Variants in PTPRQ observed in about 807,000 individuals in gnomAD.
The protein encoded by PTPRQ is phosphatidylinositol phosphatase PTPRQ.
Under a neutral mutation model 246.0 loss-of-function variants are expected in PTPRQ, and 199 were observed. The ratio of observed to expected loss-of-function variants is 0.81; its 90% CI spans 0.72 to 0.91. The LOEUF is 0.91. Among genes scored for constraint, PTPRQ ranks in the 40% least tolerant of loss-of-function variants. PTPRQ has a pLI of 0.00. For missense variants in PTPRQ, 2,624 were observed against 2,528.4 expected (o/e 1.04, Z -0.81); for synonymous variants, 869 against 853.2 (o/e 1.02, Z -0.32).
chr12:80,468,820 G>C lies in PTPRQ; in HGVS notation c.1021G>C (p.Glu341Gln), dbSNP rs1200377056. Residue 341 changes from glutamate to glutamine, a missense_variant, in exon 7 of 45, where the codon GAA becomes CAA. Transcript: ENST00000644991. ...AACAGGGAAATTTAGTTATAGAGTT[G>C]AATTATATGGACCATCAGGTAAGCC... ...IVTGKFSYRV[E>Q]LYGPSGRILD... 9 of 1,548,720 alleles carry C rather than the reference G, an allele frequency of 5.8e-6. No individual in the cohort carries two copies. The highest frequency in any genetic ancestry group is 7.0e-6 in the Non-Finnish European group (8 of 1,145,824).
At chr12:80,521,863 T>C (rs1169850904) in intron 17 of PTPRQ, among the ~76,000 whole-genome samples, 1 of 152,204 alleles carries the variant, frequency 6.6e-6, no homozygotes, top group Non-Finnish European at 1.5e-5. Flanking sequence ...TTTGGTTCCA[T>C]ATGAACTTTA....
intron 26 of PTPRQ, among the ~76,000 whole-genome samples, chr12:80,601,867 G>A (rs1898155074): frequency 6.6e-6 from 1 of 151,700 alleles, no homozygotes; most frequent in Admixed American, 6.6e-5. Context: ...GCTACAATTT[G>A]AGGCAGTTTT....
At chr12:80,471,633 A>G (rs527536898) in intron 7 of PTPRQ, among the ~76,000 whole-genome samples, 1,531 of 129,560 alleles carry the variant, frequency 0.012, 8 homozygotes, top group Non-Finnish European at 0.02. Context: ...GCGCGCCACT[A>G]CGCCCGGCTA....
At chr12:80,662,890 T>C (rs925640258) in intron 39 of PTPRQ, among the ~76,000 whole-genome samples, 1 of 151,998 alleles carries the variant, frequency 6.6e-6, no homozygotes, top group African/African-American at 2.4e-5. Context: ...ACTCAAAAGT[T>C]TGCACACACA....
At chr12:80,584,498 T>C (rs1324169320) in intron 25 of PTPRQ, among the ~76,000 whole-genome samples, 1 of 152,208 alleles carries the variant, frequency 6.6e-6, no homozygotes, top group Non-Finnish European at 1.5e-5. Flanking sequence ...AATGTACCTC[T>C]GGACATACTG....
intron 8 of PTPRQ, among the ~76,000 whole-genome samples, chr12:80,479,863 A>C (rs958930252): frequency 6.6e-6 from 1 of 152,096 alleles, no homozygotes; most frequent in Non-Finnish European, 1.5e-5. Context: ...GAGCACCCAG[A>C]TTCATAAAGC....
chr12:80,519,718 G>A (rs982388263), intron 17 of PTPRQ, among the ~76,000 whole-genome samples: 1 of 152,144 alleles, frequency 6.6e-6, no homozygotes, highest in Non-Finnish European at 1.5e-5. Context: ...ACATTTAAAT[G>A]TATTACAATT....
Position 80,632,203 on chromosome 12 carries a change from T to A in PTPRQ, c.5698T>A (p.Ser1900Thr). 9 of 1,551,260 alleles carry A rather than the reference T, an allele frequency of 5.8e-6. No homozygotes were observed. The highest frequency in any genetic ancestry group is 7.8e-6 in the Non-Finnish European group (9 of 1,146,792). The change falls in exon 34 of 45, where the codon TCA (serine) becomes ACA (threonine). Residue 1900 changes from serine to threonine, a missense_variant. Ser to Thr is a moderately conservative substitution (Grantham distance 58). Transcript: ENST00000644991. The part of the protein sequence containing the change: ...DPVKTLGEGL[S>T]ERTVEIILSV... ...TCCCTCTTCTCCAGGGGAAGGACTT[T>A]CAGAAAGAACCGTAGAGATCATTCT...
At chr12:80,479,604 C>A (rs1740692201) in intron 8 of PTPRQ, among the ~76,000 whole-genome samples, 1 of 138,678 alleles carries the variant, frequency 7.2e-6, no homozygotes, top group South Asian at 2.4e-4. Context: ...GAGTCAAGAC[C>A]CATCAGTGTG....
chr12:80,673,325 C>A, intron 43 of PTPRQ, 21 bp downstream of exon 43: 1 of 1,539,138 alleles, frequency 6.5e-7, no homozygotes. Flanking sequence ...TAAACCTGCA[C>A]TGCATTCTAA....
chr12:80,616,214 T>C lies in PTPRQ; in HGVS notation c.5178T>C (p.Asn1726=). The change falls in exon 30 of 45, where the codon AAT becomes AAC. Residue 1726 remains asparagine (N), a synonymous_variant. Coordinates refer to ENST00000644991, the MANE Select transcript of PTPRQ (RefSeq NM_001145026.2). The part of the protein sequence containing the change: ...HTYNISVYAV[N]SAGAGPKVPM... ...GTTTGTTTTAGGTTTACGCAGTCAATAGTGCTGGTGCAGGTCCAAAGGTTC... is the reference window on the plus strand; with the variant it reads ...GTTTGTTTTAGGTTTACGCAGTCAACAGTGCTGGTGCAGGTCCAAAGGTTC... The C allele has an allele frequency of 1.3e-6, 2 of 1,488,186 alleles. No homozygotes were observed. Among genetic ancestry groups the C allele is most frequent in the Non-Finnish European group, 9.0e-7 (1 of 1,116,330 alleles). 92.2% of individuals were successfully genotyped at this position (1,488,186 alleles called of 1,614,324 possible). A position where few individuals can be genotyped will look rare whatever the true frequency, so the allele number is the denominator to read the frequency against.
chr12:80,464,114 C>A (rs1893312547), intron 6 of PTPRQ, among the ~76,000 whole-genome samples: 1 of 151,770 alleles, frequency 6.6e-6, no homozygotes, highest in African/African-American at 2.4e-5. Flanking sequence ...GTGTTGTATT[C>A]AGGAAACCCA....
At chr12:80,642,785 T>G (rs1292554377) in intron 35 of PTPRQ, among the ~76,000 whole-genome samples, 1 of 149,520 alleles carries the variant, frequency 6.7e-6, no homozygotes, top group East Asian at 2.0e-4. Context: ...CCGGGCGTAG[T>G]GGCGGGCGCC....
chr12:80,565,490 C>G (rs1224340523), intron 25 of PTPRQ, among the ~76,000 whole-genome samples: 1 of 152,146 alleles, frequency 6.6e-6, no homozygotes, highest in Non-Finnish European at 1.5e-5. Context: ...AACCTCCTCC[C>G]CTATTTTTTT....
chr12:80,466,069 C>T (rs536877939), intron 6 of PTPRQ, among the ~76,000 whole-genome samples: 2 of 152,246 alleles, frequency 1.3e-5, no homozygotes, highest in East Asian at 3.9e-4. Context: ...TCAAAATGTC[C>T]CTGTTTGCAG....
chr12:80,447,565 CTAA>C (rs767643209), intron 3 of PTPRQ, among the ~76,000 whole-genome samples: 4 of 151,878 alleles, frequency 2.6e-5, no homozygotes, highest in Non-Finnish European at 5.9e-5. Flanking sequence ...CCAGAATGTG[CTAA>C]TTTTTGTATA....
intron 25 of PTPRQ, among the ~76,000 whole-genome samples, chr12:80,559,003 T>C (rs1896745925): frequency 6.6e-6 from 1 of 152,216 alleles, no homozygotes; most frequent in South Asian, 2.1e-4. Flanking sequence ...AGATATATGG[T>C]TTGCAAATGA....
rs74753595 is a variant in PTPRQ, at chr12:80,598,461, G to A, written c.4610-6598G>A. Reference sequence around the variant, plus strand: ...GAATCCAATTGCAGAGCTTCTTCAGGGCCCTTGATGCCCTGAATTGCTTAA... The same window carrying A: ...GAATCCAATTGCAGAGCTTCTTCAGAGCCCTTGATGCCCTGAATTGCTTAA... On this transcript the variant is annotated intron_variant, in intron 26 of 44. Transcript: ENST00000644991. Among the ~76,000 whole-genome samples, 1,019 of 151,982 alleles carry A rather than the reference G, an allele frequency of 6.7e-3. 12 individuals carry two copies. Among genetic ancestry groups the A allele is most frequent in the African/African-American group, 0.023 (970 of 41,486 alleles).
intron 33 of PTPRQ, 75 bp from the exon 34 acceptor site, chr12:80,632,117 T>C: frequency 2.7e-6 from 4 of 1,489,654 alleles, no homozygotes; most frequent in Non-Finnish European, 2.7e-6. Context: ...GCCAAGATAA[T>C]ATTTTTTGGT....
Sources: gnomAD v4.1 joint callset for allele counts (sites outside exome capture counted in the v4.1 genomes callset) on GRCh38, gnomAD v4.1.1 for gene constraint, MANE v1.5 for transcripts, NCBI Gene and HGNC (gene_info 2026-07-23, HGNC 2026-07-21) for gene names.